Variants in ZNF750 observed in about 807,000 individuals in gnomAD.
The protein encoded by ZNF750 is zinc finger protein 750, also known as protein ZNF750.
ZNF750 carries 10 observed loss-of-function variants against 31.6 expected under a neutral mutation model. That is an observed-to-expected ratio of 0.32 (90% confidence interval 0.19 to 0.54). ZNF750 has a LOEUF of 0.54. Ranked by LOEUF, ZNF750 falls within the 20% of genes least tolerant of loss-of-function variation. ZNF750 has a pLI of 0.95. For missense variants in ZNF750, 914 were observed against 934.9 expected (o/e 0.98, Z 0.29); for synonymous variants, 400 against 404.9 (o/e 0.99, Z 0.15).
intron 2 of ZNF750, 39 bp from the exon 3 acceptor site, chr17:82,830,916 TAGAAA>T (rs1260418155): frequency 6.2e-7 from 1 of 1,613,068 alleles, no homozygotes. Context: ...GGAGCTTGCT[TAGAAA>T]AGCAACTGCG....
At position 82,830,963 on chromosome 17, in the gene ZNF750, C is replaced by T. The variant is rs957646999; in HGVS notation, c.1436+56G>A. ...AGTGTGAGCAAGTATAAGCCTGGCT[C>T]ATGGAACCCAACCAGAAACATTCCC... On this transcript the variant is annotated intron_variant, in intron 2 of 2. Transcript: ENST00000269394. 13 of 1,613,302 alleles carry T rather than the reference C, an allele frequency of 8.1e-6. No homozygotes were observed. The Admixed American group carries it at 1.7e-4, about 21-fold the overall frequency.
Position 82,831,097 on chromosome 17 carries a change from G to A in ZNF750, c.1358C>T (p.Thr453Ile). Residue 453 changes from threonine (T) to isoleucine (I), a missense_variant, in exon 2 of 3, where the codon ACA becomes ATA. Thr to Ile is a moderately conservative substitution (Grantham distance 89). Coordinates refer to ENST00000269394, the MANE Select transcript of ZNF750 (RefSeq NM_024702.3). This position sits in a 1 kb window ranked among gnomAD's most constrained non-coding sequence, Gnocchi z 4.6. ...GRLYPPEQSL[T>I]AFRPVKKSTE... ...GCTTTTCTTAACAGGCCTGAAGGCT[G>A]TGAGGCTTTGCTCTGGCGGGTAGAG... The A allele has an allele frequency of 6.2e-7, 1 of 1,614,218 alleles. No individual in the cohort carries two copies. The highest frequency in any genetic ancestry group is 8.5e-7 in the Non-Finnish European group (1 of 1,180,030).
rs745607715 is a variant in ZNF750, at chr17:82,831,265, C to T, written c.1190G>A (p.Gly397Glu). 2 of 1,613,858 alleles carry T rather than the reference C, an allele frequency of 1.2e-6. No individual in the cohort carries two copies. Among genetic ancestry groups the T allele is most frequent in the Admixed American group, 1.7e-5 (1 of 60,030 alleles). Residue 397 changes from glycine (G) to glutamate (E), a missense_variant, in exon 2 of 3, where the codon GGG (glycine) becomes GAG (glutamate). Transcript: ENST00000269394. This position sits in a 1 kb window ranked among gnomAD's most constrained non-coding sequence, Gnocchi z 4.6. Reference protein sequence around the residue: ...SSKAGQRDTEGSKMSPRAGSA... With the variant: ...SSKAGQRDTEESKMSPRAGSA... ...CCCTGCGCGGGGGCTCATTTTGGACCCTTCCGTGTCTCTCTGCCCAGCCTT... is the reference window on the plus strand; with the variant it reads ...CCCTGCGCGGGGGCTCATTTTGGACTCTTCCGTGTCTCTCTGCCCAGCCTT...
rs200975447 is a variant in ZNF750, at chr17:82,830,497, C to G, written c.1817G>C (p.Gly606Ala). The change falls in exon 3 of 3, where the codon GGT (glycine) becomes GCT (alanine). Residue 606 changes from glycine to alanine, a missense_variant. By Grantham distance (60) the Gly-to-Ala change is moderately conservative. Coordinates refer to ENST00000269394, the MANE Select transcript of ZNF750 (RefSeq NM_024702.3). ...HPETKPGSLD[G>A]DGAPPTGPGE... ...GGGGCCTGTGGGTGGGGCCCCGTCA[C>G]CGTCGAGGCTGCCTGGCTTGGTCTC... The G allele has an allele frequency of 5.6e-5, 91 of 1,613,604 alleles. No homozygotes were observed. The East Asian group carries it at 1.9e-3, about 34-fold the overall frequency.
intron 1 of ZNF750, chr17:82,838,545 T>C: frequency 1.6e-6 from 1 of 629,224 alleles, no homozygotes; most frequent in Non-Finnish European, 2.0e-6. Flanking sequence ...AATTACAATA[T>C]TGTGATGTGG....
At chr17:82,834,554 A>G (rs2053801776) in intron 1 of ZNF750, among the ~76,000 whole-genome samples, 1 of 152,208 alleles carries the variant, frequency 6.6e-6, no homozygotes, top group Non-Finnish European at 1.5e-5. Context: ...GAACGCGATC[A>G]TGTCCTTCGC....
rs2053708485 is a variant in ZNF750, at chr17:82,833,681, T to C, written c.-182-1045A>G. On this transcript the variant is annotated intron_variant, in intron 1 of 2. Transcript: ENST00000269394. The surrounding 1 kb of genome is among the most constrained non-coding windows in gnomAD (Gnocchi z 4.7). ...AAGAACCAAAGCTTTGCCACACTCCTGCCCGAGAGGAGACCAGAGTGAGTA... is the reference window on the plus strand; with the variant it reads ...AAGAACCAAAGCTTTGCCACACTCCCGCCCGAGAGGAGACCAGAGTGAGTA... Among the ~76,000 whole-genome samples, 1 of 152,186 alleles carries C rather than the reference T, an allele frequency of 6.6e-6. No individual in the cohort carries two copies. Among genetic ancestry groups the C allele is most frequent in the Non-Finnish European group, 1.5e-5 (1 of 68,036 alleles).
At position 82,830,383 on chromosome 17, in the gene ZNF750, T is replaced by C. The variant is rs571744171; in HGVS notation, c.1931A>G (p.Tyr644Cys). The C allele has an allele frequency of 1.9e-6, 3 of 1,612,600 alleles. No individual in the cohort carries two copies. The Admixed American group carries it at 5.0e-5, about 27-fold the overall frequency. Residue 644 changes from tyrosine to cysteine, a missense_variant, in exon 3 of 3, where the codon TAC (tyrosine) becomes TGC (cysteine). Physicochemically the swap from Tyr to Cys is radical, Grantham distance 194. Around this residue, in one of 2 missense-constraint regions of ZNF750, gnomAD observed 880 missense variants for 868.9 expected, o/e 1.01. Transcript: ENST00000269394. ...AAVALCQLAA[Y>C]SPRNIRVGDG... ...GCCCACCCGGATGTTCCTGGGGCTG[T>C]AGGCCGCCAGCTGGCACAGGGCCAC...
intron 1 of ZNF750, among the ~76,000 whole-genome samples, chr17:82,839,639 T>C (rs1315148588): frequency 6.6e-6 from 1 of 152,246 alleles, no homozygotes; most frequent in Non-Finnish European, 1.5e-5. Flanking sequence ...TAAGCAATAA[T>C]ATGAATTTGT....
In ZNF750 at chr17:82,832,012, C is replaced by T; in HGVS notation, c.443G>A (p.Gly148Asp). 1 of 1,612,590 alleles carries T rather than the reference C, an allele frequency of 6.2e-7. No homozygotes were observed. Reference protein sequence around the residue: ...CKSPAPEAALGAQPALEGAAR... With the variant: ...CKSPAPEAALDAQPALEGAAR... ...TGCGCCTTCCAGAGCAGGCTGGGCACCGAGGGCGGCTTCCGGAGCTGGGCT... is the reference window on the plus strand; with the variant it reads ...TGCGCCTTCCAGAGCAGGCTGGGCATCGAGGGCGGCTTCCGGAGCTGGGCT... Residue 148 changes from glycine to aspartate, a missense_variant, in exon 2 of 3, where the codon GGT (glycine) becomes GAT (aspartate). Physicochemically the swap from Gly to Asp is moderately conservative, Grantham distance 94. Around this residue, in one of 2 missense-constraint regions of ZNF750, gnomAD observed 880 missense variants for 868.9 expected, o/e 1.01. Transcript: ENST00000269394. This position sits in a 1 kb window ranked among gnomAD's most constrained non-coding sequence, Gnocchi z 4.9.
chr17:82,832,052 C>T lies in ZNF750; in HGVS notation c.403G>A (p.Ala135Thr), dbSNP rs2053568937. 1 of 1,613,694 alleles carries T rather than the reference C, an allele frequency of 6.2e-7. No homozygotes were observed. Among genetic ancestry groups the T allele is most frequent in the Admixed American group, 1.7e-5 (1 of 59,992 alleles). The change falls in exon 2 of 3, where the codon GCA (alanine) becomes ACA (threonine). Residue 135 changes from alanine to threonine, a missense_variant. Ala to Thr is a moderately conservative substitution (Grantham distance 58). Around this residue, in one of 2 missense-constraint regions of ZNF750, gnomAD observed 880 missense variants for 868.9 expected, o/e 1.01. Coordinates refer to ENST00000269394, the MANE Select transcript of ZNF750 (RefSeq NM_024702.3). This position sits in a 1 kb window ranked among gnomAD's most constrained non-coding sequence, Gnocchi z 4.9. The stretch of plus-strand genomic sequence containing the variant: ...GGAGCTGGGCTCTTGCAGGGTGATG[C>T]CCTGTGGAGGGCTGGCTTCTGTCCC... ...CLGQKPALHR[A>T]SPCKSPAPEA...
chr17:82,830,669 G>A lies in ZNF750; in HGVS notation c.1645C>T (p.Leu549Phe), dbSNP rs948834890. The change falls in exon 3 of 3, where the codon CTT becomes TTT. Residue 549 changes from leucine (L) to phenylalanine (F), a missense_variant. By Grantham distance (22) the Leu-to-Phe change is conservative. Transcript: ENST00000269394. Reference protein sequence around the residue: ...ETASFSELQDLPLNLSVKDPC... With the variant: ...ETASFSELQDFPLNLSVKDPC... ...TCCTTCACCGAGAGATTGAGTGGAA[G>A]GTCCTGCAGCTCTGAGAAGCTGGCG... 6.2e-7 allele frequency: 1 copy of A among 1,614,034 alleles called. No homozygotes were observed. Among genetic ancestry groups the A allele is most frequent in the Non-Finnish European group, 8.5e-7 (1 of 1,180,032 alleles).
At position 82,831,585 on chromosome 17, in the gene ZNF750, CG is replaced by C. The variant is rs1567853247; in HGVS notation, c.869del (p.Pro290ArgfsTer76). The C allele has an allele frequency of 6.2e-7, 1 of 1,614,056 alleles. No homozygotes were observed. Among genetic ancestry groups the C allele is most frequent in the Non-Finnish European group, 8.5e-7 (1 of 1,180,006 alleles). On this transcript the variant is annotated frameshift_variant, in exon 2 of 3. Transcript: ENST00000269394. LOFTEE classifies it high-confidence loss of function. This position sits in a 1 kb window ranked among gnomAD's most constrained non-coding sequence, Gnocchi z 4.6. ...GAGATGGAGCCAGGTGCTTAGGGAT[CG>C]GCCCCGGGTGAGGCAGGAAGTGTCT... ...DPRHFLPHPG[P>X]IPKHLAPSPA...
intron 1 of ZNF750, among the ~76,000 whole-genome samples, chr17:82,836,995 C>T (rs1191052182): frequency 2.0e-5 from 3 of 152,134 alleles, no homozygotes; most frequent in Admixed American, 1.3e-4. Flanking sequence ...TATGGAGTCT[C>T]GGGCAGTGGT....
chr17:82,835,974 A>G lies in ZNF750; in HGVS notation c.-182-3338T>C, dbSNP rs9897676. On this transcript the variant is annotated intron_variant, in intron 1 of 2. Transcript: ENST00000269394. This position sits in a 1 kb window ranked among gnomAD's most constrained non-coding sequence, Gnocchi z 4.5. ...GTGTCGGGTGACACCCTGGGCTCAG[A>G]CCCCGCGCTCAGCACCCGTCTCCCA... Among the ~76,000 whole-genome samples the G allele has an allele frequency of 0.45, 68,629 of 151,992 alleles. 15,590 individuals are homozygous for G. Among genetic ancestry groups the G allele is most frequent in the East Asian group, 0.54 (2,783 of 5,154 alleles).
Position 82,831,166 on chromosome 17 carries a change from A to G in ZNF750, c.1289T>C (p.Leu430Pro), listed in dbSNP as rs2053474523. ...GGCTGCCTTGTTGGAGAGGTCGTAC[A>G]GGCCTTCGCAGGTCTGGCTCGTCTG... ...FMQTSQTCEG[L>P]YDLSNKAASS... is the part of the protein sequence containing the mutation. The change falls in exon 2 of 3, where the codon CTG (leucine) becomes CCG (proline). Residue 430 changes from leucine to proline, a missense_variant. Around this residue, in one of 2 missense-constraint regions of ZNF750, gnomAD observed 880 missense variants for 868.9 expected, o/e 1.01. Coordinates refer to ENST00000269394, the MANE Select transcript of ZNF750 (RefSeq NM_024702.3). The surrounding 1 kb of genome is among the most constrained non-coding windows in gnomAD (Gnocchi z 4.6). 6.2e-7 allele frequency: 1 copy of G among 1,614,000 alleles called. No individual in the cohort carries two copies. The highest frequency in any genetic ancestry group is 8.5e-7 in the Non-Finnish European group (1 of 1,180,036).
Position 82,830,128 on chromosome 17 carries a change from G to A in ZNF750, c.*14C>T. ...TGTGGCCGTAGCTCTGTGAACACAC[G>A]TGTGAACCCGGCGTTAGGACACCCG... On this transcript the variant is annotated 3_prime_UTR_variant, in exon 3 of 3. Coordinates refer to ENST00000269394, the MANE Select transcript of ZNF750 (RefSeq NM_024702.3). 1.2e-6 allele frequency: 2 copies of A among 1,613,154 alleles called. No homozygotes were observed. Among genetic ancestry groups the A allele is most frequent in the East Asian group, 2.2e-5 (1 of 44,894 alleles).
At chr17:82,836,296 G>C (rs772915328) in intron 1 of ZNF750, among the ~76,000 whole-genome samples, 3 of 152,214 alleles carry the variant, frequency 2.0e-5, no homozygotes, top group Non-Finnish European at 4.4e-5. Flanking sequence ...GGTTCTGAAG[G>C]CGTGAGAACC....
At position 82,831,328 on chromosome 17, in the gene ZNF750, T is replaced by C; in HGVS notation, c.1127A>G (p.Glu376Gly). 6.2e-7 allele frequency: 1 copy of C among 1,614,012 alleles called. No homozygotes were observed. The highest frequency in any genetic ancestry group is 8.5e-7 in the Non-Finnish European group (1 of 1,180,014). ...AGCCTCAGGAATTGGACTTTCGAACTCGACGTGTTTTCTGTTGGGGTCCGA... is the reference window on the plus strand; with the variant it reads ...AGCCTCAGGAATTGGACTTTCGAACCCGACGTGTTTTCTGTTGGGGTCCGA... The part of the protein sequence containing the change: ...NPSDPNRKHV[E>G]FESPIPEAKD... The change falls in exon 2 of 3, where the codon GAG becomes GGG. Residue 376 changes from glutamate (E) to glycine (G), a missense_variant. This residue lies in a region of ZNF750 where 880 missense variants were observed against 868.9 expected (regional missense o/e 1.01). Coordinates refer to ENST00000269394, the MANE Select transcript of ZNF750 (RefSeq NM_024702.3). The surrounding 1 kb of genome is among the most constrained non-coding windows in gnomAD (Gnocchi z 4.6).
Sources: allele counts gnomAD v4.1 joint callset (sites outside exome capture counted in the v4.1 genomes callset), GRCh38; gene constraint gnomAD v4.1.1; regional missense constraint gnomAD v4.1.1; non-coding constraint Gnocchi (gnomAD v3.1); transcripts MANE v1.5; gene names NCBI Gene and HGNC (gene_info 2026-07-23, HGNC 2026-07-21).